ALDH1L2: variants seen among roughly 807,000 people sequenced by gnomAD.
The protein encoded by ALDH1L2 is mitochondrial 10-formyltetrahydrofolate dehydrogenase.
Under a neutral mutation model 111.0 loss-of-function variants are expected in ALDH1L2, and 91 were observed. The observed-to-expected ratio is 0.82, with a 90% CI of 0.69 to 0.98. The LOEUF (loss-of-function observed/expected upper bound fraction) is 0.98. Among genes scored for constraint, ALDH1L2 ranks in the 50% least tolerant of loss-of-function variants. The probability of loss-of-function intolerance (pLI) is 0.00; values close to 1 mark genes in which losing one functional copy is unlikely to be tolerated. For synonymous variants in ALDH1L2, 374 were observed against 392.6 expected (o/e 0.95, Z 0.56); for missense variants, 995 against 1,126.8 (o/e 0.88, Z 1.67).
chr12:105,040,747 G>T, intron 15 of ALDH1L2, 53 bp from the exon 16 acceptor site: 7 of 1,497,990 alleles, frequency 4.7e-6, no homozygotes, highest in South Asian at 3.4e-5. Flanking sequence ...CTGACCTTTA[G>T]CCCAGAACCC....
In ALDH1L2 at chr12:105,068,705, C is replaced by A; in HGVS notation, c.594+14G>T. On this transcript the variant is annotated intron_variant, in intron 4 of 22. Coordinates refer to ENST00000258494, the MANE Select transcript of ALDH1L2 (RefSeq NM_001034173.4). ...TAAAGGTTTACTAAATTCTGGGTGGCAAAATATACTAACCATGGCCTTGAT... is the reference window on the plus strand; with the variant it reads ...TAAAGGTTTACTAAATTCTGGGTGGAAAAATATACTAACCATGGCCTTGAT... The A allele has an allele frequency of 6.9e-7, 1 of 1,439,374 alleles. No individual in the cohort carries two copies. The highest frequency in any genetic ancestry group is 9.2e-7 in the Non-Finnish European group (1 of 1,089,390). The allele number at this position is 1,439,374 out of a possible 1,614,324, so 89.2% of individuals were successfully genotyped here. A position where few individuals can be genotyped will look rare whatever the true frequency, so the allele number is the denominator to read the frequency against.
intron 9 of ALDH1L2, among the ~76,000 whole-genome samples, chr12:105,059,251 G>A (rs1876834450): frequency 6.7e-6 from 1 of 149,470 alleles, no homozygotes; most frequent in Non-Finnish European, 1.5e-5. Flanking sequence ...TGGCGACAGA[G>A]CGAGACTCTG....
intron 20 of ALDH1L2, 126 bp downstream of exon 20, chr12:105,031,643 C>G: frequency 7.3e-7 from 1 of 1,375,268 alleles, no homozygotes; most frequent in Non-Finnish European, 9.8e-7. Context: ...TGCGTGCCAC[C>G]ACACTGGGCT....
Position 105,070,593 on chromosome 12 carries a change from G to A in ALDH1L2, c.405C>T (p.His135=). 1 of 1,613,572 alleles carries A rather than the reference G, an allele frequency of 6.2e-7. No individual in the cohort carries two copies. The change falls in exon 3 of 23, where the codon CAC becomes CAT. Residue 135 remains histidine, a synonymous_variant. Transcript: ENST00000258494. The part of the protein sequence containing the change: ...IIYHPSILPR[H]RGASAINWTL... ...ACCAATTGATAGCAGAGGCTCCTCT[G>A]TGCCTGGGCAGGATGGATGGGTGAT... is the stretch of plus-strand genomic sequence containing the variant.
At chr12:105,083,790 T>C (rs550203505) in intron 1 of ALDH1L2, among the ~76,000 whole-genome samples, 1 of 152,268 alleles carries the variant, frequency 6.6e-6, no homozygotes, top group Admixed American at 6.5e-5. Context: ...TACAGTAGAA[T>C]AGTGTTCCAG....
intron 16 of ALDH1L2, among the ~76,000 whole-genome samples, chr12:105,040,118 T>C (rs1875434355): frequency 1.1e-5 from 1 of 91,814 alleles, no homozygotes; most frequent in African/African-American, 4.6e-5. Context: ...AGAGTGAGAC[T>C]CCGTCTCAAA....
intron 3 of ALDH1L2, among the ~76,000 whole-genome samples, chr12:105,069,112 G>A (rs1877538205): frequency 6.6e-6 from 1 of 152,074 alleles, no homozygotes; most frequent in Admixed American, 6.6e-5. Context: ...TCTTGTTAAT[G>A]TACAGTAATG....
intron 2 of ALDH1L2, 35 bp from the exon 3 acceptor site, chr12:105,070,839 T>A (rs1233987428): frequency 6.5e-7 from 1 of 1,541,350 alleles, no homozygotes; most frequent in African/African-American, 1.4e-5. Flanking sequence ...TTTTTAGAAG[T>A]TAGCCATAAT....
At chr12:105,066,807 T>TCTTCAGGTC in intron 4 of ALDH1L2, 138 bp from the exon 5 acceptor site, 1 of 680,706 alleles carries the variant, frequency 1.5e-6, no homozygotes, top group Non-Finnish European at 2.6e-6. Flanking sequence ...AACTACCATT[T>TCTTCAGGTC]CTTCAGGTCC....
At chr12:105,065,221 GTAA>G in intron 6 of ALDH1L2, 43 bp downstream of exon 6, 1 of 1,152,670 alleles carries the variant, frequency 8.7e-7, no homozygotes, top group East Asian at 4.6e-5. Flanking sequence ...TCTTACAAAG[GTAA>G]TAATCGGGGA....
chr12:105,025,205 A>C (rs891809765), intron 22 of ALDH1L2, among the ~76,000 whole-genome samples: 6 of 152,168 alleles, frequency 3.9e-5, no homozygotes, highest in Non-Finnish European at 8.8e-5. Context: ...CTTTGTCCGC[A>C]TGTTAGAATC....
intron 8 of ALDH1L2, 114 bp downstream of exon 8, chr12:105,061,513 A>G (rs906375060): frequency 7.0e-7 from 1 of 1,434,490 alleles, no homozygotes; most frequent in Non-Finnish European, 9.5e-7. Flanking sequence ...CAGCTAATAC[A>G]AAAAAAGAGG....
At chr12:105,036,295 A>T (rs575513425) in intron 18 of ALDH1L2, among the ~76,000 whole-genome samples, 3 of 53,218 alleles carry the variant, frequency 5.6e-5, no homozygotes, top group Non-Finnish European at 8.9e-5. Context: ...TGTATATATT[A>T]TATATATACG....
intron 15 of ALDH1L2, among the ~76,000 whole-genome samples, chr12:105,043,880 A>G (rs116148144): frequency 2.0e-5 from 3 of 152,198 alleles, no homozygotes; most frequent in Non-Finnish European, 2.9e-5. Flanking sequence ...ACCAGACCAC[A>G]CTAGGCCATG....
chr12:105,037,180 T>A (rs1395476051), intron 18 of ALDH1L2, among the ~76,000 whole-genome samples: 3 of 152,108 alleles, frequency 2.0e-5, no homozygotes, highest in Non-Finnish European at 4.4e-5. Flanking sequence ...TATGCCTATA[T>A]CTCAGATGTG....
chr12:105,065,430 A>G, intron 5 of ALDH1L2, 74 bp from the exon 6 acceptor site: 5 of 1,239,210 alleles, frequency 4.0e-6, no homozygotes, highest in Non-Finnish European at 5.9e-6. Context: ...GCTTCTCGTC[A>G]TCAGAGGCAG....
chr12:105,052,060 A>G (rs1876309910), intron 12 of ALDH1L2, 30 bp downstream of exon 12: 2 of 1,534,360 alleles, frequency 1.3e-6, no homozygotes, highest in Non-Finnish European at 1.7e-6. Context: ...TTACTTTTCT[A>G]AAAAATAAAA....
At chr12:105,032,713 A>G (rs1390406496) in intron 19 of ALDH1L2, among the ~76,000 whole-genome samples, 3 of 152,210 alleles carry the variant, frequency 2.0e-5, no homozygotes, top group Non-Finnish European at 4.4e-5. Flanking sequence ...AGCTACATAC[A>G]CTATATGAAA....
chr12:105,051,843 G>C (rs112421228), intron 12 of ALDH1L2, among the ~76,000 whole-genome samples: 1 of 147,770 alleles, frequency 6.8e-6, no homozygotes, highest in African/African-American at 2.5e-5. Context: ...GGAGTGCAGT[G>C]GTGCACTCTC....
Sources: gnomAD v4.1 joint callset for allele counts (sites outside exome capture counted in the v4.1 genomes callset) on GRCh38, gnomAD v4.1.1 for gene constraint, MANE v1.5 for transcripts, NCBI Gene and HGNC (gene_info 2026-07-23, HGNC 2026-07-21) for gene names.